SPC25: variants seen among roughly 807,000 people sequenced by gnomAD.
SPC25 encodes the protein SPC25 component of NDC80 kinetochore complex.
In SPC25, 22 loss-of-function variants were observed where a neutral mutation model predicts 29.6. That is an observed-to-expected ratio of 0.74 (90% CI 0.53 to 1.06). SPC25 has a LOEUF of 1.06. Ranked by LOEUF, SPC25 falls within the 50% of genes least tolerant of loss-of-function variation. SPC25 has a pLI of 0.00. For synonymous variants in SPC25, 91 were observed against 90.4 expected (o/e 1.01, Z -0.04); for missense variants, 230 against 255.8 (o/e 0.90, Z 0.69).
downstream of SPC25, among the ~76,000 whole-genome samples, chr2:168,870,119 T>C (rs1689951216): frequency 6.6e-6 from 1 of 151,852 alleles, no homozygotes; most frequent in Admixed American, 6.6e-5. Context: ...GGATTCCCTA[T>C]TTAATAAATG....
chr2:168,889,917 C>T (rs1690362514), intron 1 of SPC25, among the ~76,000 whole-genome samples: 1 of 152,082 alleles, frequency 6.6e-6, no homozygotes, highest in Admixed American at 6.5e-5. Context: ...TAGAATAAGA[C>T]CCCACACATC....
At position 168,890,387 on chromosome 2, in the gene SPC25, G is replaced by A. The variant is rs1690375846; in HGVS notation, c.-84C>T. On this transcript the variant is annotated 5_prime_UTR_variant, in exon 1 of 7. Transcript: ENST00000282074. ...CCGCGCCCACTCTAGCCAACAGCCG[G>A]ACTCTAGGCTCAGCTCCCGCAGCCC... 1.0e-6 allele frequency: 1 copy of A among 985,316 alleles called. No homozygotes were observed. Among genetic ancestry groups the A allele is most frequent in the Non-Finnish European group, 1.2e-6 (1 of 829,982 alleles). The allele number at this position is 985,316 out of a possible 1,614,324, so 61.0% of individuals were successfully genotyped here.
chr2:168,868,149 T>A (rs1356087351), downstream of SPC25, among the ~76,000 whole-genome samples: 4 of 151,814 alleles, frequency 2.6e-5, no homozygotes, highest in Non-Finnish European at 4.4e-5. Context: ...ATGTTCTTTG[T>A]AACCAATGAG....
intron 4 of SPC25, among the ~76,000 whole-genome samples, chr2:168,862,765 G>A (rs202063536): frequency 8.1e-6 from 1 of 123,950 alleles, no homozygotes; most frequent in Non-Finnish European, 1.8e-5. Context: ...CCTTCTTTAT[G>A]TGTCCAGTTA....
intron 4 of SPC25, chr2:168,865,163 G>A: frequency 1.6e-6 from 1 of 617,248 alleles, no homozygotes; most frequent in Non-Finnish European, 2.7e-6. Flanking sequence ...GGTGGAGACA[G>A]ACAAGGAAGA....
intron 4 of SPC25, 71 bp downstream of exon 4, chr2:168,877,167 G>A: frequency 6.5e-7 from 1 of 1,535,368 alleles, no homozygotes; most frequent in Non-Finnish European, 8.9e-7. Context: ...GAACAGGCAA[G>A]ATGTACTTAA....
chr2:168,888,038 G>C (rs1049438541), intron 3 of SPC25, among the ~76,000 whole-genome samples: 3 of 152,132 alleles, frequency 2.0e-5, no homozygotes, highest in Non-Finnish European at 4.4e-5. Context: ...TAGCACTTTG[G>C]GCAGCCAAAG....
chr2:168,888,765 A>G (rs1467278), intron 3 of SPC25, among the ~76,000 whole-genome samples: 49,837 of 148,532 alleles, frequency 0.34, 8,877 homozygotes, highest in South Asian at 0.53. Context: ...ATATATATGT[A>G]TATATATATA....
At chr2:168,864,935 C>A (rs776698855) in intron 4 of SPC25, 1 of 1,614,100 alleles carries the variant, frequency 6.2e-7, no homozygotes, top group South Asian at 1.1e-5. Context: ...GGAGGAGTTA[C>A]CTTCAAATGC....
intron 3 of SPC25, among the ~76,000 whole-genome samples, chr2:168,887,421 C>CAAAAAAAAAAAAAAAAAAAA (rs5836211): frequency 3.0e-5 from 4 of 131,390 alleles, no homozygotes; most frequent in African/African-American, 1.1e-4. Context: ...GACTCCATCT[C>CAAAAAAAAAAAAAAAAAAAA]AAAAAAAAAA....
rs1186270849 is a variant in SPC25, at chr2:168,871,306, TAACA to T, written c.*121_*124del. Reference sequence around the variant, plus strand: ...CCAATATGGCACATGTATACATATGTAACAAACCTGCACATTGTGCACATGTACC... The same window carrying T: ...CCAATATGGCACATGTATACATATGTAACCTGCACATTGTGCACATGTACC... On this transcript the variant is annotated 3_prime_UTR_variant, in exon 7 of 7. Coordinates refer to ENST00000282074, the MANE Select transcript of SPC25 (RefSeq NM_020675.4). The T allele has an allele frequency of 2.2e-6, 2 of 920,774 alleles. No individual in the cohort carries two copies. Among genetic ancestry groups the T allele is most frequent in the African/African-American group, 3.4e-5 (2 of 58,390 alleles). 57.0% of individuals were successfully genotyped at this position (920,774 alleles called of 1,614,324 possible).
intron 4 of SPC25, chr2:168,861,997 G>A: frequency 6.2e-7 from 1 of 1,614,140 alleles, no homozygotes. Flanking sequence ...GACTTTGCAA[G>A]GCCTTGTATT....
chr2:168,864,961 A>G (rs2105812126), intron 4 of SPC25: 1 of 1,614,074 alleles, frequency 6.2e-7, no homozygotes, highest in Non-Finnish European at 8.5e-7. Flanking sequence ...ACACAGCTAC[A>G]AAGGCATAAA....
chr2:168,868,452 C>T (rs1167512170), downstream of SPC25, among the ~76,000 whole-genome samples: 1 of 152,084 alleles, frequency 6.6e-6, no homozygotes, highest in Non-Finnish European at 1.5e-5. Flanking sequence ...AATTGATAGA[C>T]AGCTAGCAAG....
At chr2:168,868,868 C>T (rs1365183377), downstream of SPC25, among the ~76,000 whole-genome samples, 1 of 152,212 alleles carries the variant, frequency 6.6e-6, no homozygotes, top group African/African-American at 2.4e-5. Flanking sequence ...AGGCCAGCAT[C>T]ATCCTGATAC....
rs758859815 is a variant in SPC25, at chr2:168,876,112, CA to C, written c.410del (p.Leu137CysfsTer8). 1.3e-6 allele frequency: 2 copies of C among 1,565,042 alleles called. No homozygotes were observed. Among genetic ancestry groups the C allele is most frequent in the East Asian group, 2.4e-5 (1 of 42,286 alleles). On this transcript the variant is annotated frameshift_variant, in exon 5 of 7. Transcript: ENST00000282074. LOFTEE classifies it high-confidence loss of function. ...RLKRLQKSAD[L>X]YKDRLGLEIR... ...TTTCTAGTCCAAGTCGATCTTTATA[CA>C]AGTCTGCAGATTTCTGCAGCCTTTT... is the stretch of plus-strand genomic sequence containing the variant.
At chr2:168,878,645 A>G (rs1217232006) in intron 3 of SPC25, among the ~76,000 whole-genome samples, 1 of 152,232 alleles carries the variant, frequency 6.6e-6, no homozygotes, top group African/African-American at 2.4e-5. Context: ...ACTCAGAAAA[A>G]TCTACTGAAA....
chr2:168,863,545 A>ATTCTC, intron 4 of SPC25: 4 of 985,324 alleles, frequency 4.1e-6, no homozygotes, highest in Non-Finnish European at 3.6e-6. Context: ...TCTCTATGGA[A>ATTCTC]TTCTCTTTAT....
downstream of SPC25, among the ~76,000 whole-genome samples, chr2:168,866,030 G>T (rs180907972): frequency 8.3e-4 from 127 of 152,408 alleles, no homozygotes; most frequent in African/African-American, 2.9e-3. Context: ...TCAACATTGT[G>T]AAAATGGCCA....
Sources: gnomAD v4.1 joint callset for allele counts (sites outside exome capture counted in the v4.1 genomes callset) on GRCh38, gnomAD v4.1.1 for gene constraint, MANE v1.5 for transcripts, NCBI Gene and HGNC (gene_info 2026-07-23, HGNC 2026-07-21) for gene names.